Variants in RPE65 observed in about 807,000 individuals in gnomAD.
The protein encoded by RPE65 is retinoid isomerohydrolase RPE65.
In RPE65, 58 loss-of-function variants were observed where a neutral mutation model predicts 68.5. The observed-to-expected ratio is 0.85, with a 90% confidence interval of 0.69 to 1.05. RPE65 has a LOEUF of 1.05. Among genes scored for constraint, RPE65 ranks in the 50% least tolerant of loss-of-function variants. RPE65 has a pLI of 0.00. For missense variants in RPE65, 643 were observed against 629.9 expected (o/e 1.02, Z -0.22); for synonymous variants, 220 against 222.2 (o/e 0.99, Z 0.09).
chr1:68,439,458 T>G (rs1645884171), intron 7 of RPE65, 103 bp downstream of exon 7: 2 of 1,560,814 alleles, frequency 1.3e-6, no homozygotes, highest in Admixed American at 1.7e-5. Context: ...TAAATTTAGT[T>G]TTCTGCAAAA....
intron 5 of RPE65, among the ~76,000 whole-genome samples, chr1:68,444,037 C>A (rs1210388362): frequency 6.6e-6 from 1 of 152,152 alleles, no homozygotes; most frequent in Non-Finnish European, 1.5e-5. Flanking sequence ...TTTTTGAGCA[C>A]CCAGTATTTA....
chr1:68,432,054 A>T (rs926689644), intron 10 of RPE65, among the ~76,000 whole-genome samples: 25 of 151,214 alleles, frequency 1.7e-4, no homozygotes, highest in Admixed American at 5.3e-4. Flanking sequence ...CCTTACAGTT[A>T]TGTTGACAAA....
rs1169462390 is a variant in RPE65, at chr1:68,428,878, C to T, written c.*898G>A. ...CTCTGGAAGAAAAGAAATTTAAAAA[C>T]AAAAGGCTTAAAATGTATTAATACC... On this transcript the variant is annotated 3_prime_UTR_variant, in exon 14 of 14. Coordinates refer to ENST00000262340, the MANE Select transcript of RPE65 (RefSeq NM_000329.3). The T allele has an allele frequency of 1.3e-5, 2 of 152,092 alleles. No homozygotes were observed. Among genetic ancestry groups the T allele is most frequent in the East Asian group, 3.9e-4 (2 of 5,172 alleles). The allele number at this position is 152,092 out of a possible 1,614,324, so 9.4% of individuals were successfully genotyped here.
At chr1:68,443,635 T>C (rs1372027716) in intron 5 of RPE65, among the ~76,000 whole-genome samples, 1 of 152,236 alleles carries the variant, frequency 6.6e-6, no homozygotes, top group East Asian at 1.9e-4. Context: ...CATTGCCAAC[T>C]ACTTCCAGAA....
intron 3 of RPE65, among the ~76,000 whole-genome samples, chr1:68,445,942 T>C (rs1193325707): frequency 1.3e-5 from 2 of 152,002 alleles, no homozygotes; most frequent in Non-Finnish European, 2.9e-5. Flanking sequence ...TCTATTATCA[T>C]GCAAGTTGTC....
intron 5 of RPE65, among the ~76,000 whole-genome samples, chr1:68,441,415 T>C (rs191545020): frequency 6.6e-6 from 1 of 152,244 alleles, no homozygotes; most frequent in African/African-American, 2.4e-5. Flanking sequence ...TATGGTACTA[T>C]GTAAATACCA....
Position 68,444,627 on chromosome 1 carries a change from A to G in RPE65, c.399T>C (p.Leu133=), listed in dbSNP as rs59257923. The change falls in exon 5 of 14, where the codon CTT becomes CTC. Residue 133 remains leucine (L), a synonymous_variant. Coordinates refer to ENST00000262340, the MANE Select transcript of RPE65 (RefSeq NM_000329.3). The part of the protein sequence containing the change: ...FRGVEVTDNA[L]VNVYPVGEDY... Reference sequence around the variant, plus strand: ...CTTCCCCCACTGGGTAGACATTAACAAGGGCATTGTCAGTAACCTCTACTC... The same window carrying G: ...CTTCCCCCACTGGGTAGACATTAACGAGGGCATTGTCAGTAACCTCTACTC... 1,905 of 1,614,178 alleles carry G rather than the reference A, an allele frequency of 1.2e-3. 21 individuals carry two copies. The African/African-American group carries it at 0.023, about 20-fold the overall frequency.
chr1:68,438,138 G>C lies in RPE65; in HGVS notation c.1128+49C>G, dbSNP rs778231195. ...TGAGGCAGGAGGACAATTCCTGAGA[G>C]AGATGAAACATTCTGGTTAAATCTG... On this transcript the variant is annotated intron_variant, in intron 10 of 13. Transcript: ENST00000262340. 25 of 1,609,438 alleles carry C rather than the reference G, an allele frequency of 1.6e-5. No homozygotes were observed. In the South Asian group the frequency reaches 2.4e-4, roughly 16 times the overall value.
chr1:68,439,424 T>C (rs1465784776), intron 7 of RPE65, 101 bp from the exon 8 acceptor site: 5 of 1,558,994 alleles, frequency 3.2e-6, no homozygotes, highest in East Asian at 2.3e-5. Context: ...GAATCAACAG[T>C]GCCTACATGA....
chr1:68,444,759 A>T lies in RPE65; in HGVS notation c.353+17T>A. 1 of 1,614,038 alleles carries T rather than the reference A, an allele frequency of 6.2e-7. No individual in the cohort carries two copies. The highest frequency in any genetic ancestry group is 8.5e-7 in the Non-Finnish European group (1 of 1,179,864). Reference sequence around the variant, plus strand: ...ATATAAAATGTCTTGAGTAACATTCAGTTTGGGTTCAGTAACCTGGAAAAT... The same window carrying T: ...ATATAAAATGTCTTGAGTAACATTCTGTTTGGGTTCAGTAACCTGGAAAAT... On this transcript the variant is annotated intron_variant, in intron 4 of 13. Transcript: ENST00000262340.
chr1:68,445,041 G>C (rs1645932282), intron 3 of RPE65, among the ~76,000 whole-genome samples, 158 bp from the exon 4 acceptor site: 1 of 152,138 alleles, frequency 6.6e-6, no homozygotes, highest in Non-Finnish European at 1.5e-5. Context: ...TTCTTGGGGT[G>C]ACCAAGCAGG....
At position 68,429,621 on chromosome 1, in the gene RPE65, C is replaced by A; in HGVS notation, c.*155G>T. Reference sequence around the variant, plus strand: ...TTTTTAAATAAAGGAATTGCTTGCTCAACTCAGTGCTTTCTGTAAAACATT... The same window carrying A: ...TTTTTAAATAAAGGAATTGCTTGCTAAACTCAGTGCTTTCTGTAAAACATT... On this transcript the variant is annotated 3_prime_UTR_variant, in exon 14 of 14. Transcript: ENST00000262340. 1.3e-6 allele frequency: 1 copy of A among 783,260 alleles called. No homozygotes were observed. Among genetic ancestry groups the A allele is most frequent in the Non-Finnish European group, 2.1e-6 (1 of 480,874 alleles). 48.5% of individuals were successfully genotyped at this position (783,260 alleles called of 1,614,324 possible).
intron 13 of RPE65, 101 bp from the exon 14 acceptor site, chr1:68,430,028 A>T: frequency 1.4e-6 from 2 of 1,442,534 alleles, no homozygotes; most frequent in Non-Finnish European, 1.9e-6. Context: ...ATTGACAAAT[A>T]TAGAAAACCA....
intron 8 of RPE65, 53 bp from the exon 9 acceptor site, chr1:68,439,134 A>G: frequency 6.2e-7 from 1 of 1,613,974 alleles, no homozygotes; most frequent in Non-Finnish European, 8.5e-7. Context: ...AAAAGTGTAC[A>G]TTATTAAACA....
intron 5 of RPE65, among the ~76,000 whole-genome samples, chr1:68,441,563 G>A (rs1645902343): frequency 6.6e-6 from 1 of 151,856 alleles, no homozygotes; most frequent in African/African-American, 2.4e-5. Flanking sequence ...AACATTTCTG[G>A]CAAAAGCATA....
rs1645894657 is a variant in RPE65 at position 68,440,497 on chromosome 1, TG to T, written c.643+355del. On this transcript the variant is annotated intron_variant, in intron 6 of 13. Transcript: ENST00000262340. Reference sequence around the variant, plus strand: ...ATGTATGCTATTATGCACACATACATGCTTATTTAATTTAATTTTGCCTAGC... The same window carrying T: ...ATGTATGCTATTATGCACACATACATCTTATTTAATTTAATTTTGCCTAGC... 1.3e-5 allele frequency among the ~76,000 whole-genome samples: 2 copies of T among 152,226 alleles called. 1 individual carries two copies. The highest frequency in any genetic ancestry group is 4.1e-4 in the South Asian group (2 of 4,836).
At chr1:68,442,273 C>T (rs1292880337) in intron 5 of RPE65, among the ~76,000 whole-genome samples, 2 of 152,130 alleles carry the variant, frequency 1.3e-5, no homozygotes, top group African/African-American at 2.4e-5. Context: ...TTGAAAGGTG[C>T]GTGGAGTTAG....
chr1:68,431,395 G>T lies in RPE65; in HGVS notation c.1244-19C>A, dbSNP rs548434230. 1.2e-6 allele frequency: 2 copies of T among 1,612,904 alleles called. No individual in the cohort carries two copies. Among genetic ancestry groups the T allele is most frequent in the Admixed American group, 3.3e-5 (2 of 59,928 alleles). On this transcript the variant is annotated intron_variant, in intron 11 of 13. Coordinates refer to ENST00000262340, the MANE Select transcript of RPE65 (RefSeq NM_000329.3). ...TCAAATGCTACGAAATAGAGCACAT[G>T]CTTAGGAAAACTCTTAATCTCTTTG...
intron 10 of RPE65, among the ~76,000 whole-genome samples, chr1:68,432,917 T>C (rs1484209938): frequency 6.6e-6 from 1 of 152,098 alleles, no homozygotes; most frequent in East Asian, 1.9e-4. Flanking sequence ...GTCAAGAAGA[T>C]TTCCTGTTAA....
Sources: gnomAD v4.1 joint callset for allele counts (sites outside exome capture counted in the v4.1 genomes callset) on GRCh38, gnomAD v4.1.1 for gene constraint, MANE v1.5 for transcripts, NCBI Gene and HGNC (gene_info 2026-07-23, HGNC 2026-07-21) for gene names.